DPP10: variants seen among roughly 807,000 people sequenced by gnomAD.
DPP10 encodes the protein dipeptidyl peptidase like 10.
Under a neutral mutation model 120.9 loss-of-function variants are expected in DPP10, and 33 were observed. The observed-to-expected ratio is 0.27, with a 90% CI of 0.21 to 0.37. The LOEUF is 0.37. DPP10 is among the 10% of genes least tolerant of loss of function. DPP10 has a pLI of 1.00. For synonymous variants in DPP10, 337 were observed against 326.1 expected (o/e 1.03, Z -0.36); for missense variants, 816 against 942.8 (o/e 0.87, Z 1.76).
intron 7 of DPP10, among the ~76,000 whole-genome samples, chr2:115,710,255 TA>T (rs2092272735): frequency 6.6e-6 from 1 of 152,088 alleles, no homozygotes; most frequent in Non-Finnish European, 1.5e-5. Flanking sequence ...AGTATATGAG[TA>T]AACATAAACC....
At chr2:114,458,833 T>C (rs1678718034) in intron 1 of DPP10, among the ~76,000 whole-genome samples, 1 of 152,202 alleles carries the variant, frequency 6.6e-6, no homozygotes, top group African/African-American at 2.4e-5. Flanking sequence ...AGATCATTAA[T>C]AAAAGTCAAT....
intron 19 of DPP10, among the ~76,000 whole-genome samples, chr2:115,798,028 G>A (rs544100765): frequency 6.6e-6 from 1 of 151,560 alleles, no homozygotes; most frequent in East Asian, 1.9e-4. Context: ...GTTAACATAG[G>A]TTTTAGATAT....
chr2:115,208,712 A>G (rs1219605770), intron 1 of DPP10, among the ~76,000 whole-genome samples: 1 of 152,038 alleles, frequency 6.6e-6, no homozygotes, highest in East Asian at 1.9e-4. Flanking sequence ...TGTTGGAGAA[A>G]TGGACAAGGT....
chr2:115,019,650 C>T (rs1702925588), intron 1 of DPP10, among the ~76,000 whole-genome samples: 1 of 152,134 alleles, frequency 6.6e-6, no homozygotes, highest in African/African-American at 2.4e-5. Context: ...CATCCAAATA[C>T]AAGAAGCTCA....
At chr2:115,269,759 A>G (rs2059611435) in intron 1 of DPP10, among the ~76,000 whole-genome samples, 1 of 152,200 alleles carries the variant, frequency 6.6e-6, no homozygotes, top group Non-Finnish European at 1.5e-5. Context: ...GTAGTAAGTC[A>G]GAAAGTCTAG....
At chr2:115,816,522 G>A (rs1264133261) in intron 21 of DPP10, among the ~76,000 whole-genome samples, 2 of 152,046 alleles carry the variant, frequency 1.3e-5, no homozygotes, top group African/African-American at 4.8e-5. Flanking sequence ...ACTTATTGCA[G>A]TAACTGTTAT....
chr2:115,460,544 A>C (rs1412269497), intron 3 of DPP10, among the ~76,000 whole-genome samples: 1 of 152,178 alleles, frequency 6.6e-6, no homozygotes, highest in Non-Finnish European at 1.5e-5. Flanking sequence ...AATATATTCA[A>C]GTTTCTCAAG....
chr2:115,062,532 C>A (rs773297786), intron 1 of DPP10, among the ~76,000 whole-genome samples: 3 of 152,152 alleles, frequency 2.0e-5, no homozygotes, highest in Non-Finnish European at 4.4e-5. Flanking sequence ...TTTCCTTCCC[C>A]CTGCACACTG....
intron 1 of DPP10, among the ~76,000 whole-genome samples, chr2:114,548,834 G>A (rs529483989): frequency 7.9e-5 from 12 of 152,156 alleles, no homozygotes; most frequent in Non-Finnish European, 1.0e-4. Flanking sequence ...AATTGAACTC[G>A]TTTCTCCTGA....
chr2:114,505,433 G>A (rs1307065076), intron 1 of DPP10, among the ~76,000 whole-genome samples: 1 of 151,680 alleles, frequency 6.6e-6, no homozygotes, highest in East Asian at 1.9e-4. Context: ...GGTACAGGGA[G>A]AGCACCTTTC....
intron 1 of DPP10, among the ~76,000 whole-genome samples, chr2:115,135,515 C>T (rs2050607759): frequency 1.3e-5 from 2 of 152,052 alleles, no homozygotes; most frequent in Admixed American, 6.6e-5. Flanking sequence ...GAGTGCTGCC[C>T]CATGAGATAG....
chr2:114,959,848 T>C lies in DPP10; in HGVS notation c.61-349391T>C, dbSNP rs570720127. ...TGTCAAATAGCTTTTCATGTGCTTATTGGCCATTCATTTATCTTTGTTGTA... is the reference window on the plus strand; with the variant it reads ...TGTCAAATAGCTTTTCATGTGCTTACTGGCCATTCATTTATCTTTGTTGTA... On this transcript the variant is annotated intron_variant, in intron 1 of 25. Transcript: ENST00000410059. Among the ~76,000 whole-genome samples the C allele has an allele frequency of 2.2e-4, 33 of 152,360 alleles. 1 individual carries two copies. The South Asian group carries it at 6.8e-3, about 32-fold the overall frequency.
intron 1 of DPP10, among the ~76,000 whole-genome samples, chr2:114,501,826 C>G (rs1683209384): frequency 6.6e-6 from 1 of 151,886 alleles, no homozygotes; most frequent in East Asian, 1.9e-4. Context: ...GTATTCAGTC[C>G]TAAAGCATAG....
chr2:115,004,489 G>A (rs1701669247), intron 1 of DPP10, among the ~76,000 whole-genome samples: 1 of 152,180 alleles, frequency 6.6e-6, no homozygotes. Context: ...GCCAGACAGT[G>A]GGCACAGGTC....
At chr2:115,256,360 TG>T (rs1373228103) in intron 1 of DPP10, among the ~76,000 whole-genome samples, 9 of 152,188 alleles carry the variant, frequency 5.9e-5, no homozygotes. Context: ...GTGGGGATTA[TG>T]GGGACTACAA....
At chr2:114,526,544 A>G (rs1685514259) in intron 1 of DPP10, among the ~76,000 whole-genome samples, 1 of 152,204 alleles carries the variant, frequency 6.6e-6, no homozygotes, top group South Asian at 2.1e-4. Flanking sequence ...GTTATAACAA[A>G]AAATACTATA....
At chr2:115,313,115 C>T (rs139851368) in intron 2 of DPP10, among the ~76,000 whole-genome samples, 81 of 152,084 alleles carry the variant, frequency 5.3e-4, no homozygotes, top group Non-Finnish European at 8.1e-4. Context: ...CCCAGCTACT[C>T]GGGAGGCTGA....
At chr2:115,565,765 TTTTG>T (rs1479864603) in intron 5 of DPP10, among the ~76,000 whole-genome samples, 5 of 79,670 alleles carry the variant, frequency 6.3e-5, no homozygotes, top group Admixed American at 2.3e-4. Flanking sequence ...TTTTTGTTTG[TTTTG>T]TTTTTTTTTG....
chr2:115,809,685 A>G (rs1686405402), intron 19 of DPP10, among the ~76,000 whole-genome samples: 1 of 151,770 alleles, frequency 6.6e-6, no homozygotes, highest in African/African-American at 2.4e-5. Context: ...AGAGCAATGA[A>G]CTGAGATGAC....
Sources: gnomAD v4.1 joint callset for allele counts (sites outside exome capture counted in the v4.1 genomes callset) on GRCh38, gnomAD v4.1.1 for gene constraint, MANE v1.5 for transcripts, NCBI Gene and HGNC (gene_info 2026-07-23, HGNC 2026-07-21) for gene names.